GRIK1: variants seen among roughly 807,000 people sequenced by gnomAD.
GRIK1 encodes glutamate ionotropic receptor kainate type subunit 1, also known as glutamate receptor ionotropic, kainate 1.
Under a neutral mutation model 105.7 loss-of-function variants are expected in GRIK1, and 69 were observed. The ratio of observed to expected loss-of-function variants is 0.65; its 90% CI spans 0.54 to 0.80. The LOEUF is 0.80. Ranked by LOEUF, GRIK1 falls within the 30% of genes least tolerant of loss-of-function variation. The pLI is 0.00. For missense variants in GRIK1, 1,109 were observed against 1,167.3 expected (o/e 0.95, Z 0.73); for synonymous variants, 438 against 431.3 (o/e 1.02, Z -0.19).
At position 29,790,886 on chromosome 21, in the gene GRIK1, G is replaced by A. The variant is rs141137642; in HGVS notation, c.119-96823C>T. Among the ~76,000 whole-genome samples, 498 of 152,324 alleles carry A rather than the reference G, an allele frequency of 3.3e-3. 3 individuals are homozygous for A. The highest frequency in any genetic ancestry group is 0.011 in the African/African-American group (477 of 41,566). ...TCACGGAATTTACATTCCAGGTGGG[G>A]TGATGGATTCTAAATAACAAATCAG... On this transcript the variant is annotated intron_variant, in intron 1 of 17. Transcript: ENST00000327783.
At chr21:29,867,926 AAGAG>A (rs1251030216) in intron 1 of GRIK1, among the ~76,000 whole-genome samples, 5 of 126,060 alleles carry the variant, frequency 4.0e-5, no homozygotes, top group Middle Eastern at 4.1e-3. Flanking sequence ...GAAAGAGAGA[AAGAG>A]AGAGAAAGAG....
intron 4 of GRIK1, among the ~76,000 whole-genome samples, chr21:29,655,626 T>C (rs1264432213): frequency 6.6e-6 from 1 of 152,192 alleles, no homozygotes; most frequent in Non-Finnish European, 1.5e-5. Flanking sequence ...TGTAGATATG[T>C]TTAAATGAAG....
intron 1 of GRIK1, among the ~76,000 whole-genome samples, chr21:29,831,406 C>T (rs1053708035): frequency 2.0e-5 from 3 of 152,228 alleles, no homozygotes; most frequent in Non-Finnish European, 4.4e-5. Flanking sequence ...CCCCTGTATT[C>T]GTCCATTCTC....
chr21:29,608,626 C>T (rs903179749), intron 7 of GRIK1, among the ~76,000 whole-genome samples: 11 of 152,200 alleles, frequency 7.2e-5, no homozygotes, highest in African/African-American at 2.4e-4. Context: ...CCTTCTATGT[C>T]ATCGTCTCAG....
At chr21:29,814,463 G>C (rs2145903295) in intron 1 of GRIK1, among the ~76,000 whole-genome samples, 1 of 152,148 alleles carries the variant, frequency 6.6e-6, no homozygotes, top group South Asian at 2.1e-4. Flanking sequence ...CACGAGCCAG[G>C]AGTGCACAGA....
chr21:29,863,898 C>T (rs2068723991), intron 1 of GRIK1, among the ~76,000 whole-genome samples: 1 of 152,170 alleles, frequency 6.6e-6, no homozygotes, highest in Admixed American at 6.5e-5. Flanking sequence ...TAAGGCCAAG[C>T]ACATTAAATA....
chr21:29,765,536 T>C (rs2065638921), intron 1 of GRIK1, among the ~76,000 whole-genome samples: 1 of 152,102 alleles, frequency 6.6e-6, no homozygotes, highest in African/African-American at 2.4e-5. Flanking sequence ...GTAAAATTCT[T>C]TTCTTTCTAG....
chr21:29,759,821 G>C (rs1171103871), intron 1 of GRIK1, among the ~76,000 whole-genome samples: 1 of 152,180 alleles, frequency 6.6e-6, no homozygotes, highest in East Asian at 1.9e-4. Context: ...CTCCCTGGAA[G>C]GTAGGCAGTG....
chr21:29,648,818 T>C (rs2062668797), intron 6 of GRIK1, among the ~76,000 whole-genome samples: 1 of 152,004 alleles, frequency 6.6e-6, no homozygotes, highest in Non-Finnish European at 1.5e-5. Context: ...GAAGTGGCAT[T>C]TTGTAGCCTG....
At chr21:29,891,633 G>A (rs891262948) in intron 1 of GRIK1, among the ~76,000 whole-genome samples, 1 of 152,148 alleles carries the variant, frequency 6.6e-6, no homozygotes, top group African/African-American at 2.4e-5. Flanking sequence ...TGAGCTTGTC[G>A]GAACGTTAGA....
intron 1 of GRIK1, among the ~76,000 whole-genome samples, chr21:29,907,644 C>A (rs2146283603): frequency 6.6e-6 from 1 of 151,960 alleles, no homozygotes; most frequent in Non-Finnish European, 1.5e-5. Flanking sequence ...AAGAAATAAT[C>A]AAAAGGCATT....
intron 7 of GRIK1, among the ~76,000 whole-genome samples, chr21:29,607,236 GC>G (rs1355798541): frequency 1.3e-5 from 2 of 151,956 alleles, no homozygotes; most frequent in Non-Finnish European, 2.9e-5. Context: ...TGGTTTCTTA[GC>G]ACTTTTCTTT....
chr21:29,764,603 A>T (rs2065611095), intron 1 of GRIK1, among the ~76,000 whole-genome samples: 1 of 152,218 alleles, frequency 6.6e-6, no homozygotes, highest in African/African-American at 2.4e-5. Flanking sequence ...CCAAAGTTTG[A>T]TGTCCAAATT....
chr21:29,770,573 A>T (rs1234747798), intron 1 of GRIK1, among the ~76,000 whole-genome samples: 8 of 152,216 alleles, frequency 5.3e-5, no homozygotes. Context: ...TTTTTTGAAT[A>T]CCCAAACCCA....
chr21:29,651,740 T>C (rs1481988201), intron 5 of GRIK1, among the ~76,000 whole-genome samples: 1 of 152,020 alleles, frequency 6.6e-6, no homozygotes, highest in African/African-American at 2.4e-5. Context: ...CAATTAATCT[T>C]TATCCTAGGT....
intron 1 of GRIK1, among the ~76,000 whole-genome samples, chr21:29,699,764 T>A (rs1329940777): frequency 6.6e-6 from 1 of 151,894 alleles, no homozygotes; most frequent in South Asian, 2.1e-4. Context: ...TTCTCCTGCC[T>A]CAGCCTCCCT....
intron 16 of GRIK1, among the ~76,000 whole-genome samples, chr21:29,546,090 C>T (rs2090046161): frequency 2.0e-5 from 3 of 152,128 alleles, no homozygotes; most frequent in Non-Finnish European, 4.4e-5. Flanking sequence ...ATGTGACATC[C>T]TACTAGGTCA....
intron 1 of GRIK1, among the ~76,000 whole-genome samples, chr21:29,905,164 C>T (rs1051200023): frequency 1.3e-5 from 2 of 152,160 alleles, no homozygotes; most frequent in African/African-American, 4.8e-5. Context: ...TGATTATTTG[C>T]TGACTGAGTG....
intron 14 of GRIK1, among the ~76,000 whole-genome samples, chr21:29,570,272 GC>G (rs1003175927): frequency 2.2e-4 from 33 of 152,264 alleles, no homozygotes; most frequent in Non-Finnish European, 4.3e-4. Flanking sequence ...GGAGGCCGAA[GC>G]CGGTGGATTA....
Sources: gnomAD v4.1 joint callset for allele counts (sites outside exome capture counted in the v4.1 genomes callset) on GRCh38, gnomAD v4.1.1 for gene constraint, MANE v1.5 for transcripts, NCBI Gene and HGNC (gene_info 2026-07-23, HGNC 2026-07-21) for gene names.